ANKFN1: variants seen among roughly 807,000 people sequenced by gnomAD.
ANKFN1 encodes the protein ankyrin repeat and fibronectin type-III domain-containing protein 1.
A neutral mutation model predicts 108.7 loss-of-function variants in ANKFN1; 74 were observed. That is an observed-to-expected ratio of 0.68 (90% CI 0.56 to 0.83). The LOEUF is 0.83. ANKFN1 is among the 40% of genes least tolerant of loss of function. ANKFN1 has a pLI of 0.00. For missense variants in ANKFN1, 1,505 were observed against 1,382.3 expected, an observed-to-expected ratio of 1.09 and a Z score of -1.41; for synonymous variants, 547 against 516.2, an observed-to-expected ratio of 1.06 and a Z score of -0.81.
chr17:56,324,416 G>A (rs1237302249), intron 3 of ANKFN1, among the ~76,000 whole-genome samples: 1 of 152,100 alleles, frequency 6.6e-6, no homozygotes, highest in Non-Finnish European at 1.5e-5. Context: ...ATTTGCTCTA[G>A]AAAGTGTTGC....
At chr17:56,409,176 C>T (rs769530609) in intron 8 of ANKFN1, among the ~76,000 whole-genome samples, 11 of 152,088 alleles carry the variant, frequency 7.2e-5, no homozygotes, top group Admixed American at 3.9e-4. Flanking sequence ...CCACCTGCCT[C>T]GGACTCCCAA....
chr17:56,227,742 G>A (rs576032675), intron 2 of ANKFN1, among the ~76,000 whole-genome samples, 175 bp from the exon 3 acceptor site: 2 of 151,750 alleles, frequency 1.3e-5, no homozygotes, highest in Non-Finnish European at 2.9e-5. Context: ...TTTCTTTCTG[G>A]GCTACAGCCT....
intron 1 of ANKFN1, among the ~76,000 whole-genome samples, chr17:56,173,012 A>T (rs1910821525): frequency 6.6e-6 from 1 of 152,234 alleles, no homozygotes; most frequent in South Asian, 2.1e-4. Flanking sequence ...GGCTGAGAGC[A>T]AGAATGCCAA....
intron 3 of ANKFN1, among the ~76,000 whole-genome samples, chr17:56,282,781 T>C (rs1274935642): frequency 6.6e-6 from 1 of 152,194 alleles, no homozygotes; most frequent in African/African-American, 2.4e-5. Flanking sequence ...ACCTAAACTT[T>C]AAGCTTTGAC....
chr17:56,442,493 A>AT (rs1264120015), intron 9 of ANKFN1, among the ~76,000 whole-genome samples: 1 of 152,166 alleles, frequency 6.6e-6, no homozygotes, highest in Non-Finnish European at 1.5e-5. Flanking sequence ...GGGAATTGCT[A>AT]TTTTTTGTAA....
intron 4 of ANKFN1, among the ~76,000 whole-genome samples, chr17:56,331,877 T>A (rs1039878519): frequency 5.3e-5 from 8 of 151,496 alleles, no homozygotes; most frequent in African/African-American, 1.9e-4. Context: ...GGGAAGTGAG[T>A]CAAGGAAGAA....
At chr17:56,211,067 C>A (rs1258340776) in intron 1 of ANKFN1, among the ~76,000 whole-genome samples, 2 of 152,154 alleles carry the variant, frequency 1.3e-5, no homozygotes, top group African/African-American at 2.4e-5. Context: ...GTTTACTCTG[C>A]TGATTATTTC....
intron 3 of ANKFN1, among the ~76,000 whole-genome samples, chr17:56,310,353 C>G (rs931545056): frequency 1.3e-5 from 2 of 152,180 alleles, no homozygotes; most frequent in African/African-American, 4.8e-5. Context: ...TGCAGTGGCT[C>G]ACGCCTGTAA....
At chr17:56,258,208 C>T (rs1449051286) in intron 3 of ANKFN1, 2 of 152,152 alleles carry the variant, frequency 1.3e-5, no homozygotes, top group African/African-American at 2.4e-5. Flanking sequence ...TTTAAATGGG[C>T]TTCTGATGGC....
intron 3 of ANKFN1, among the ~76,000 whole-genome samples, chr17:56,295,944 T>G (rs966196373): frequency 1.3e-5 from 2 of 152,248 alleles, no homozygotes; most frequent in Admixed American, 6.5e-5. Context: ...CACTTAACAC[T>G]GTTGCACTGG....
intron 7 of ANKFN1, among the ~76,000 whole-genome samples, chr17:56,373,976 C>A (rs2046879679): frequency 6.6e-6 from 1 of 152,134 alleles, no homozygotes; most frequent in African/African-American, 2.4e-5. Context: ...ACATGACATC[C>A]ACCCATAAAT....
At chr17:56,055,215 C>G (rs923942769) in intron 4 of ANKFN1, among the ~76,000 whole-genome samples, 1 of 151,924 alleles carries the variant, frequency 6.6e-6, no homozygotes, top group Non-Finnish European at 1.5e-5. Context: ...CCTTGCCCAC[C>G]TCCCGTTCTC....
At chr17:56,426,650 C>T (rs1156599935) in intron 8 of ANKFN1, among the ~76,000 whole-genome samples, 2 of 152,192 alleles carry the variant, frequency 1.3e-5, no homozygotes, top group Non-Finnish European at 2.9e-5. Context: ...GTAACTAGGT[C>T]CTTCAAATAC....
intron 5 of ANKFN1, among the ~76,000 whole-genome samples, chr17:56,352,514 C>T (rs184543459): frequency 3.0e-4 from 46 of 152,266 alleles, no homozygotes; most frequent in Admixed American, 1.8e-3. Flanking sequence ...GTAAATAATA[C>T]GTGTGTTGGT....
At chr17:56,210,760 T>C (rs1456219708) in intron 1 of ANKFN1, among the ~76,000 whole-genome samples, 1 of 152,160 alleles carries the variant, frequency 6.6e-6, no homozygotes, top group East Asian at 1.9e-4. Flanking sequence ...AGGCACCTCT[T>C]CACAGGGTAG....
chr17:56,166,725 G>A (rs1910159548), intron 1 of ANKFN1, among the ~76,000 whole-genome samples: 1 of 151,996 alleles, frequency 6.6e-6, no homozygotes, highest in Non-Finnish European at 1.5e-5. Flanking sequence ...CCTTGAAGCT[G>A]GACATGACCA....
intron 1 of ANKFN1, among the ~76,000 whole-genome samples, chr17:56,177,083 C>A (rs935369563): frequency 1.2e-4 from 18 of 152,200 alleles, no homozygotes; most frequent in African/African-American, 4.1e-4. Flanking sequence ...CCCAGAGCCC[C>A]CAGGTGAAAG....
chr17:56,437,232 C>A (rs2145145257), intron 8 of ANKFN1, among the ~76,000 whole-genome samples: 1 of 152,304 alleles, frequency 6.6e-6, no homozygotes, highest in East Asian at 1.9e-4. Flanking sequence ...TCTTTTCCAC[C>A]TGAAACTTGC....
At chr17:56,327,708 A>G (rs2045559689) in intron 4 of ANKFN1, among the ~76,000 whole-genome samples, 1 of 152,182 alleles carries the variant, frequency 6.6e-6, no homozygotes. Flanking sequence ...CAGATTAAAG[A>G]TGTGTCTTTT....
Sources: gnomAD v4.1 joint callset for allele counts (sites outside exome capture counted in the v4.1 genomes callset) on GRCh38, gnomAD v4.1.1 for gene constraint, MANE v1.5 for transcripts, NCBI Gene and HGNC (gene_info 2026-07-23, HGNC 2026-07-21) for gene names.